The following IL1RAPL2 variants were observed in gnomAD, a reference collection of about 807,000 sequenced individuals.
IL1RAPL2 encodes the protein interleukin 1 receptor accessory protein like 2, also known as X-linked interleukin-1 receptor accessory protein-like 2.
In IL1RAPL2, 3 loss-of-function variants were observed where a neutral mutation model predicts 44.1. The observed-to-expected ratio is 0.07, with a 90% confidence interval of 0.03 to 0.18. The LOEUF (loss-of-function observed/expected upper bound fraction) is 0.18, where lower values mean the gene tolerates loss of function less well. Ranked by LOEUF, IL1RAPL2 falls within the 10% of genes least tolerant of loss-of-function variation. The probability of loss-of-function intolerance (pLI) is 1.00; values close to 1 mark genes in which losing one functional copy is unlikely to be tolerated. For missense variants in IL1RAPL2, 391 were observed against 496.4 expected, an observed-to-expected ratio of 0.79 and a Z score of 2.02; for synonymous variants, 181 against 178.8, an observed-to-expected ratio of 1.01 and a Z score of -0.10.
chrX:104,595,326 A>G (rs982314215), intron 1 of IL1RAPL2, among the ~76,000 whole-genome samples: 1 of 111,274 alleles, frequency 9.0e-6, no homozygotes, highest in African/African-American at 3.3e-5. Flanking sequence ...CTATGAACTG[A>G]GATAGGGTTT....
intron 6 of IL1RAPL2, among the ~76,000 whole-genome samples, chrX:105,491,516 A>T (rs1446908353): frequency 2.7e-5 from 3 of 111,927 alleles, no homozygotes; most frequent in African/African-American, 9.7e-5. Context: ...CACTATGGAG[A>T]CTTTGGAGAG....
intron 2 of IL1RAPL2, among the ~76,000 whole-genome samples, chrX:104,969,913 T>G (rs190930409): frequency 6.5e-5 from 7 of 108,339 alleles, no homozygotes; most frequent in East Asian, 2.9e-4. Context: ...CATACACTAG[T>G]TTTTTTTTTC....
At chrX:104,590,829 A>G (rs973818240) in intron 1 of IL1RAPL2, among the ~76,000 whole-genome samples, 1 of 112,211 alleles carries the variant, frequency 8.9e-6, no homozygotes, top group Admixed American at 9.4e-5. Context: ...CTAAAAGCCT[A>G]TAGTCTGTAC....
At chrX:105,037,352 A>G (rs1359968219) in intron 2 of IL1RAPL2, among the ~76,000 whole-genome samples, 2 of 111,098 alleles carry the variant, frequency 1.8e-5, no homozygotes, top group African/African-American at 6.6e-5. Flanking sequence ...GCCTCAACAG[A>G]GTGAAGTATT....
intron 2 of IL1RAPL2, among the ~76,000 whole-genome samples, chrX:104,859,732 T>C (rs762040878): frequency 7.1e-4 from 80 of 112,444 alleles, no homozygotes; most frequent in Non-Finnish European, 1.1e-3. Context: ...ATGAACATAA[T>C]GGACTTCAGA....
chrX:105,763,353 C>T (rs898082727), intron 10 of IL1RAPL2, among the ~76,000 whole-genome samples: 1 of 111,640 alleles, frequency 9.0e-6, no homozygotes, highest in Non-Finnish European at 1.9e-5. Flanking sequence ...AACTGGGGCA[C>T]TTGCTTGATA....
chrX:105,603,888 A>T (rs2037273188), intron 6 of IL1RAPL2, among the ~76,000 whole-genome samples: 1 of 111,876 alleles, frequency 8.9e-6, no homozygotes, highest in African/African-American at 3.2e-5. Flanking sequence ...AACAAATAGA[A>T]ATTAAACAGT....
Position 104,658,927 on chromosome X carries a change from T to G in IL1RAPL2, c.14T>G (p.Phe5Cys). Reference sequence around the variant, plus strand: ...GAAAAGTGAAGGATGAAGCCACCATTTCTTTTGGCCCTTGTGGTCTGTTCT... The same window carrying G: ...GAAAAGTGAAGGATGAAGCCACCATGTCTTTTGGCCCTTGTGGTCTGTTCT... MKPP[F>C]LLALVVCSVV... is the part of the protein sequence containing the mutation. Residue 5 changes from phenylalanine (F) to cysteine (C), a missense_variant, in exon 2 of 11, where the codon TTT (phenylalanine) becomes TGT (cysteine). Phe to Cys is a radical substitution (Grantham distance 205, BLOSUM62 -2). Around this residue, in one of 2 missense-constraint regions of IL1RAPL2, gnomAD observed 159 missense variants for 251.7 expected, o/e 0.63. Coordinates refer to ENST00000372582, the MANE Select transcript of IL1RAPL2 (RefSeq NM_017416.2). The G allele has an allele frequency of 8.3e-7, 1 of 1,205,297 alleles. No individual in the cohort carries two copies. Among genetic ancestry groups the G allele is most frequent in the Non-Finnish European group, 1.1e-6 (1 of 891,440 alleles).
At chrX:104,585,267 TATATTATATATATTATATA>T (rs1172376338) in intron 1 of IL1RAPL2, among the ~76,000 whole-genome samples, 7 of 20,473 alleles carry the variant, frequency 3.4e-4, no homozygotes, top group Non-Finnish European at 4.7e-4. Flanking sequence ...ATATATATAA[TATATTATATATATTATATA>T]ATATATTATA....
intron 5 of IL1RAPL2, among the ~76,000 whole-genome samples, chrX:105,328,443 T>C (rs1240593681): frequency 8.9e-6 from 1 of 111,805 alleles, no homozygotes; most frequent in East Asian, 2.8e-4. Context: ...CTCTATTAAG[T>C]AGATTGTATT....
At chrX:104,778,968 A>G (rs1055063879) in intron 2 of IL1RAPL2, among the ~76,000 whole-genome samples, 1 of 110,961 alleles carries the variant, frequency 9.0e-6, no homozygotes, top group Non-Finnish European at 1.9e-5. Flanking sequence ...GATGGATGCC[A>G]GGGAGTGTCC....
chrX:105,510,019 A>G (rs745889514), intron 6 of IL1RAPL2, among the ~76,000 whole-genome samples: 2 of 109,936 alleles, frequency 1.8e-5, no homozygotes, highest in East Asian at 5.8e-4. Flanking sequence ...AAAAAAAAAT[A>G]AATAAATAAA....
chrX:105,541,377 A>G (rs1159964667), intron 6 of IL1RAPL2, among the ~76,000 whole-genome samples: 1 of 110,897 alleles, frequency 9.0e-6, no homozygotes, highest in African/African-American at 3.3e-5. Flanking sequence ...AGATAAGGAG[A>G]GTAAGTGGAA....
At position 105,325,544 on chromosome X, in the gene IL1RAPL2, TATATATA is replaced by T. The variant is rs1480150250; in HGVS notation, c.697+58004_697+58010del. On this transcript the variant is annotated intron_variant, in intron 5 of 10. Transcript: ENST00000372582. ...TTTCATTTTATCTCTCTTGGTTTTATATATATATATATATATATATATATATATATAT... is the reference window on the plus strand; with the variant it reads ...TTTCATTTTATCTCTCTTGGTTTTATTATATATATATATATATATATATAT... Among the ~76,000 whole-genome samples the T allele has an allele frequency of 1.7e-3, 15 of 8,788 alleles. No individual in the cohort carries two copies. The Non-Finnish European group carries it at 0.12, about 70-fold the overall frequency. 7.6% of individuals were successfully genotyped at this position (8,788 alleles called of 115,157 possible).
intron 2 of IL1RAPL2, among the ~76,000 whole-genome samples, chrX:105,094,139 A>C (rs2032576806): frequency 9.0e-6 from 1 of 111,649 alleles, no homozygotes; most frequent in African/African-American, 3.3e-5. Context: ...CAATACATTC[A>C]GGTTTCAATC....
chrX:104,571,213 A>C (rs1164613489), intron 1 of IL1RAPL2, among the ~76,000 whole-genome samples: 1 of 111,974 alleles, frequency 8.9e-6, no homozygotes, highest in Non-Finnish European at 1.9e-5. Flanking sequence ...TCTCTAATTC[A>C]GTATATCCTA....
intron 2 of IL1RAPL2, among the ~76,000 whole-genome samples, chrX:105,173,557 C>A (rs926649729): frequency 3.6e-5 from 4 of 110,933 alleles, no homozygotes; most frequent in African/African-American, 1.3e-4. Flanking sequence ...GATGCCCATG[C>A]TCAATGACAG....
intron 8 of IL1RAPL2, among the ~76,000 whole-genome samples, chrX:105,746,105 T>G: frequency 8.9e-6 from 1 of 111,880 alleles, no homozygotes; most frequent in Non-Finnish European, 1.9e-5. Flanking sequence ...AACTTGTGAG[T>G]CAGAGGAGCA....
intron 2 of IL1RAPL2, among the ~76,000 whole-genome samples, chrX:105,047,060 C>A (rs986057175): frequency 2.7e-5 from 3 of 111,111 alleles, no homozygotes; most frequent in African/African-American, 9.8e-5. Flanking sequence ...ATCTCACCCT[C>A]CCTTGCCTAA....
Sources: gnomAD v4.1 joint callset for allele counts (sites outside exome capture counted in the v4.1 genomes callset) on GRCh38, gnomAD v4.1.1 for gene constraint, gnomAD v4.1.1 regional missense constraint, MANE v1.5 for transcripts, NCBI Gene and HGNC (gene_info 2026-07-23, HGNC 2026-07-21) for gene names.